Variants in XKR6 observed in about 807,000 individuals in gnomAD.
XKR6 encodes XK related 6.
XKR6 carries 22 observed loss-of-function variants against 56.7 expected under a neutral mutation model. The observed-to-expected ratio is 0.39, with a 90% CI of 0.28 to 0.55. The LOEUF is 0.55. Ranked by LOEUF, XKR6 falls within the 20% of genes least tolerant of loss-of-function variation. XKR6 has a pLI of 0.66. For synonymous variants in XKR6, 524 were observed against 387.8 expected (o/e 1.35, Z -4.13); for missense variants, 852 against 889.0 (o/e 0.96, Z 0.53).
intron 1 of XKR6, among the ~76,000 whole-genome samples, chr8:11,165,380 G>A (rs1376583701): frequency 6.6e-6 from 1 of 152,150 alleles, no homozygotes; most frequent in African/African-American, 2.4e-5. Context: ...TTACGGGCAT[G>A]AGCCACAGTG....
intron 1 of XKR6, among the ~76,000 whole-genome samples, chr8:11,050,572 A>T (rs979395992): frequency 1.7e-4 from 6 of 36,190 alleles, no homozygotes; most frequent in Admixed American, 7.8e-4. Flanking sequence ...CATTTTATTT[A>T]AAAAAAAAAA....
intron 1 of XKR6, among the ~76,000 whole-genome samples, chr8:11,003,443 C>G (rs1798292711): frequency 6.6e-6 from 1 of 152,110 alleles, no homozygotes; most frequent in African/African-American, 2.4e-5. Flanking sequence ...ACCATCACCA[C>G]AATCATAGTC....
At chr8:10,903,180 G>A (rs781243724) in intron 2 of XKR6, among the ~76,000 whole-genome samples, 9 of 152,188 alleles carry the variant, frequency 5.9e-5, no homozygotes, top group Non-Finnish European at 1.0e-4. Flanking sequence ...CATTGTCTAC[G>A]TCGTTATGTT....
At chr8:11,122,006 A>T (rs1799482757) in intron 1 of XKR6, among the ~76,000 whole-genome samples, 1 of 152,240 alleles carries the variant, frequency 6.6e-6, no homozygotes, top group African/African-American at 2.4e-5. Context: ...GGATACAGGA[A>T]GGGGAACATC....
chr8:11,152,635 A>T (rs1387138974), intron 1 of XKR6, among the ~76,000 whole-genome samples: 1 of 152,130 alleles, frequency 6.6e-6, no homozygotes, highest in African/African-American at 2.4e-5. Context: ...TATCAATAAC[A>T]CCCAGTTTGC....
At chr8:11,192,681 T>C (rs1803645156) in intron 1 of XKR6, among the ~76,000 whole-genome samples, 1 of 152,182 alleles carries the variant, frequency 6.6e-6, no homozygotes, top group Admixed American at 6.5e-5. Flanking sequence ...TCTATTTCCC[T>C]GTGTGCTTCA....
At chr8:11,109,293 T>A (rs576920217) in intron 1 of XKR6, 20 of 152,342 alleles carry the variant, frequency 1.3e-4, no homozygotes, top group Admixed American at 1.1e-3. Context: ...GTTGTCTACA[T>A]TATTTTCTAA....
chr8:11,143,936 G>C (rs975082085), intron 1 of XKR6, among the ~76,000 whole-genome samples: 10 of 152,118 alleles, frequency 6.6e-5, no homozygotes, highest in African/African-American at 2.4e-4. Flanking sequence ...CTCTTTCCTT[G>C]GCTCACAAAC....
intron 1 of XKR6, among the ~76,000 whole-genome samples, chr8:11,197,968 T>C (rs1364040377): frequency 6.6e-6 from 1 of 152,212 alleles, no homozygotes; most frequent in Non-Finnish European, 1.5e-5. Flanking sequence ...AATGTACAAC[T>C]TCACTGACAT....
At chr8:10,921,523 C>G (rs1800718264) in intron 2 of XKR6, among the ~76,000 whole-genome samples, 1 of 152,204 alleles carries the variant, frequency 6.6e-6, no homozygotes, top group African/African-American at 2.4e-5. Context: ...AAAGTGCTCT[C>G]TTGTGCATTA....
intron 1 of XKR6, among the ~76,000 whole-genome samples, chr8:11,181,182 GGTT>G (rs1225028772): frequency 1.3e-5 from 2 of 152,102 alleles, no homozygotes; most frequent in African/African-American, 4.8e-5. Context: ...GATTTTAAAG[GGTT>G]GTTGTATAAA....
chr8:11,179,785 C>T (rs938078264), intron 1 of XKR6, among the ~76,000 whole-genome samples: 3 of 152,160 alleles, frequency 2.0e-5, no homozygotes, highest in Non-Finnish European at 2.9e-5. Flanking sequence ...TCAATCAATA[C>T]GGAGCCTACC....
chr8:11,191,803 G>A (rs1015449092), intron 1 of XKR6, among the ~76,000 whole-genome samples: 1 of 151,874 alleles, frequency 6.6e-6, no homozygotes. Flanking sequence ...AAACCCACAA[G>A]CAAATTTGCT....
intron 1 of XKR6, among the ~76,000 whole-genome samples, chr8:10,961,722 A>G (rs757015003): frequency 6.6e-6 from 1 of 152,114 alleles, no homozygotes; most frequent in African/African-American, 2.4e-5. Flanking sequence ...GAGATTCTGA[A>G]CTCTGGTTTG....
At chr8:10,965,204 G>C (rs376215338) in intron 1 of XKR6, among the ~76,000 whole-genome samples, 1 of 152,212 alleles carries the variant, frequency 6.6e-6, no homozygotes, top group Non-Finnish European at 1.5e-5. Flanking sequence ...TTCCTTGCCA[G>C]TTCTGAGAAA....
At chr8:11,147,604 C>T (rs1235976058) in intron 1 of XKR6, among the ~76,000 whole-genome samples, 2 of 146,148 alleles carry the variant, frequency 1.4e-5, no homozygotes, top group Non-Finnish European at 3.0e-5. Context: ...TGCAGTGAGC[C>T]AAGATCGTGC....
intron 1 of XKR6, among the ~76,000 whole-genome samples, chr8:10,994,337 T>C (rs899835020): frequency 1.3e-5 from 2 of 152,194 alleles, no homozygotes; most frequent in African/African-American, 4.8e-5. Flanking sequence ...TAGGCCCCTC[T>C]CCTGGGGATG....
At chr8:11,042,786 A>G (rs1799317723) in intron 1 of XKR6, among the ~76,000 whole-genome samples, 5 of 147,432 alleles carry the variant, frequency 3.4e-5, no homozygotes, top group Admixed American at 3.3e-4. Context: ...GGGATGTGCT[A>G]CCTGGACTAA....
chr8:11,039,418 C>T (rs1312827552), intron 1 of XKR6, among the ~76,000 whole-genome samples: 1 of 152,242 alleles, frequency 6.6e-6, no homozygotes, highest in Non-Finnish European at 1.5e-5. Flanking sequence ...TAGGCCAAGG[C>T]CAGCCTTTCC....
Sources: allele counts gnomAD v4.1 joint callset (sites outside exome capture counted in the v4.1 genomes callset), GRCh38; gene constraint gnomAD v4.1.1; transcripts MANE v1.5; gene names NCBI Gene and HGNC (gene_info 2026-07-23, HGNC 2026-07-21).